MGAT4A: variants seen among roughly 807,000 people sequenced by gnomAD.
The protein encoded by MGAT4A is alpha-1,3-mannosyl-glycoprotein 4-beta-N-acetylglucosaminyltransferase A.
In MGAT4A, 33 loss-of-function variants were observed where a neutral mutation model predicts 74.1. The observed-to-expected ratio is 0.45, with a 90% CI of 0.34 to 0.60. The LOEUF is 0.60. MGAT4A is among the 20% of genes least tolerant of loss of function. The pLI, the probability that MGAT4A is intolerant of heterozygous loss-of-function variation, is 0.02. For synonymous variants in MGAT4A, 198 were observed against 210.4 expected (o/e 0.94, Z 0.51); for missense variants, 479 against 628.3 (o/e 0.76, Z 2.54).
chr2:98,689,554 T>C (rs992296983), intron 2 of MGAT4A, among the ~76,000 whole-genome samples: 2 of 152,282 alleles, frequency 1.3e-5, no homozygotes, highest in East Asian at 3.9e-4. Context: ...CTGGGCACCA[T>C]GGCTCACATC....
At chr2:98,633,136 G>C (rs1701267242) in intron 14 of MGAT4A, among the ~76,000 whole-genome samples, 1 of 152,220 alleles carries the variant, frequency 6.6e-6, no homozygotes, top group Non-Finnish European at 1.5e-5. Context: ...TCAGGGCCAA[G>C]TATTCTCACC....
At chr2:98,674,688 T>G (rs1252953724) in intron 4 of MGAT4A, among the ~76,000 whole-genome samples, 1 of 152,184 alleles carries the variant, frequency 6.6e-6, no homozygotes, top group Non-Finnish European at 1.5e-5. Flanking sequence ...AAGAAAAACC[T>G]TTATGACATG....
Position 98,704,926 on chromosome 2 carries a change from G to A in MGAT4A, c.94+21313C>T, listed in dbSNP as rs189861093. ...TACTCCTCCACAGCTGAGCAAACAT[G>A]CTTCTGGAGAGTACACCAGAGGCGC... On this transcript the variant is annotated intron_variant, in intron 2 of 15. Transcript: ENST00000393487. 5.3e-5 allele frequency among the ~76,000 whole-genome samples: 8 copies of A among 152,250 alleles called. No individual in the cohort carries two copies. In the East Asian group the frequency reaches 1.5e-3, roughly 29 times the overall value.
intron 5 of MGAT4A, among the ~76,000 whole-genome samples, chr2:98,661,497 T>C (rs977619804): frequency 2.0e-5 from 3 of 152,116 alleles, no homozygotes; most frequent in African/African-American, 7.2e-5. Context: ...GTTATAAAAA[T>C]AGAATGCAAT....
At position 98,624,757 on chromosome 2, in the gene MGAT4A, C is replaced by T. The variant is rs1701119494; in HGVS notation, c.*809G>A. On this transcript the variant is annotated 3_prime_UTR_variant, in exon 16 of 16. Coordinates refer to ENST00000393487, the MANE Select transcript of MGAT4A (RefSeq NM_012214.3). ...ACAATAATCTGGGTTGAATGCATCACACTTACACATTGAAAATTTATCAGA... is the reference window on the plus strand; with the variant it reads ...ACAATAATCTGGGTTGAATGCATCATACTTACACATTGAAAATTTATCAGA... 1.0e-6 allele frequency: 1 copy of T among 983,934 alleles called. No individual in the cohort carries two copies. The allele number at this position is 983,934 out of a possible 1,614,324, so 61.0% of individuals were successfully genotyped here. A position where few individuals can be genotyped will look rare whatever the true frequency, so the allele number is the denominator to read the frequency against.
Position 98,730,529 on chromosome 2 carries a change from G to C in MGAT4A, c.-236+519C>G, listed in dbSNP as rs367757867. Among the ~76,000 whole-genome samples the C allele has an allele frequency of 1.4e-4, 21 of 152,214 alleles. No individual in the cohort carries two copies. In the East Asian group the frequency reaches 2.1e-3, roughly 15 times the overall value. On this transcript the variant is annotated intron_variant, in intron 1 of 15. Coordinates refer to ENST00000393487, the MANE Select transcript of MGAT4A (RefSeq NM_012214.3). Reference sequence around the variant, plus strand: ...GGAGCAGCCCCTGCCCCTGCGCCTCGGACCGTCCGGCCCCGCCCACCTGCC... The same window carrying C: ...GGAGCAGCCCCTGCCCCTGCGCCTCCGACCGTCCGGCCCCGCCCACCTGCC...
At chr2:98,635,408 TATC>T (rs1701305056) in intron 13 of MGAT4A, 120 bp from the exon 14 acceptor site, 12 of 659,420 alleles carry the variant, frequency 1.8e-5, no homozygotes, top group Non-Finnish European at 2.5e-5. Context: ...AAAAGAGAAA[TATC>T]ATCTCAGTCT....
intron 2 of MGAT4A, among the ~76,000 whole-genome samples, chr2:98,718,056 T>C (rs1448427528): frequency 6.6e-6 from 1 of 152,246 alleles, no homozygotes; most frequent in Non-Finnish European, 1.5e-5. Context: ...TCGTCTGGTG[T>C]TTCTGTTATA....
chr2:98,663,547 G>A (rs1701783817), intron 4 of MGAT4A: 3 of 1,093,986 alleles, frequency 2.7e-6, no homozygotes, highest in Admixed American at 7.1e-5. Flanking sequence ...GACATGCCGA[G>A]AAGAGCACAA....
In MGAT4A at chr2:98,624,419, G is replaced by A; in HGVS notation, c.*1147C>T. 2.1e-6 allele frequency: 2 copies of A among 962,506 alleles called. No homozygotes were observed. The highest frequency in any genetic ancestry group is 2.5e-6 in the Non-Finnish European group (2 of 809,280). 59.6% of individuals were successfully genotyped at this position (962,506 alleles called of 1,614,324 possible). A position where few individuals can be genotyped will look rare whatever the true frequency, so the allele number is the denominator to read the frequency against. On this transcript the variant is annotated 3_prime_UTR_variant, in exon 16 of 16. Coordinates refer to ENST00000393487, the MANE Select transcript of MGAT4A (RefSeq NM_012214.3). Reference sequence around the variant, plus strand: ...ATCATTTGGAATAGCGTGTTTAAGAGTAATAAATACAGTCTCTTGGACACG... The same window carrying A: ...ATCATTTGGAATAGCGTGTTTAAGAATAATAAATACAGTCTCTTGGACACG...
At chr2:98,660,440 AC>A (rs1701730793) in intron 5 of MGAT4A, among the ~76,000 whole-genome samples, 1 of 150,498 alleles carries the variant, frequency 6.6e-6, no homozygotes, top group South Asian at 2.1e-4. Flanking sequence ...ACACACACAC[AC>A]ACACACACAC....
chr2:98,646,482 T>G (rs1701487523), intron 8 of MGAT4A, among the ~76,000 whole-genome samples: 1 of 152,044 alleles, frequency 6.6e-6, no homozygotes, highest in African/African-American at 2.4e-5. Context: ...AGCAGGTAGA[T>G]GGCTTGAGTT....
chr2:98,636,287 G>C (rs72825727), intron 13 of MGAT4A, among the ~76,000 whole-genome samples: 26,967 of 151,946 alleles, frequency 0.18, 2,590 homozygotes, highest in Middle Eastern at 0.24. Context: ...GCCACCGGGT[G>C]TGGCCTGTTA....
Position 98,710,722 on chromosome 2 carries a change from A to G in MGAT4A, c.94+15517T>C, listed in dbSNP as rs1702503567. On this transcript the variant is annotated intron_variant, in intron 2 of 15. Coordinates refer to ENST00000393487, the MANE Select transcript of MGAT4A (RefSeq NM_012214.3). The stretch of plus-strand genomic sequence containing the variant: ...ACCTCCGGAACTCAAGTGATCTACC[A>G]AAGTGCTGGGATTACAGGCGTGAGC... 2.0e-5 allele frequency among the ~76,000 whole-genome samples: 3 copies of G among 152,146 alleles called. 1 individual carries two copies. In the South Asian group the frequency reaches 6.2e-4, roughly 32 times the overall value.
intron 8 of MGAT4A, among the ~76,000 whole-genome samples, chr2:98,653,186 CCAGTA>C (rs1701606791): frequency 6.8e-6 from 1 of 147,158 alleles, no homozygotes; most frequent in South Asian, 2.2e-4. Context: ...GAAGTTTATA[CCAGTA>C]AACATTTACA....
rs1184359961 is a variant in MGAT4A at position 98,703,625 on chromosome 2, T to C, written c.94+22614A>G. Among the ~76,000 whole-genome samples the C allele has an allele frequency of 3.3e-5, 5 of 152,132 alleles. No homozygotes were observed. The East Asian group carries it at 9.6e-4, about 29-fold the overall frequency. Reference sequence around the variant, plus strand: ...CGGCATAAAGCTTCCCACTGAGGAATAAAATCCAAAGATGTCCCTGTGGCC... The same window carrying C: ...CGGCATAAAGCTTCCCACTGAGGAACAAAATCCAAAGATGTCCCTGTGGCC... On this transcript the variant is annotated intron_variant, in intron 2 of 15. Transcript: ENST00000393487.
At chr2:98,705,164 A>C (rs1049147706) in intron 2 of MGAT4A, among the ~76,000 whole-genome samples, 2 of 152,192 alleles carry the variant, frequency 1.3e-5, no homozygotes, top group Non-Finnish European at 2.9e-5. Context: ...GCCCCAGCAA[A>C]TGCCTGCCAC....
intron 2 of MGAT4A, among the ~76,000 whole-genome samples, chr2:98,691,420 T>A (rs900763203): frequency 6.6e-6 from 1 of 151,356 alleles, no homozygotes; most frequent in African/African-American, 2.4e-5. Context: ...AGCCTGGGCA[T>A]CAGAGCAAGC....
intron 9 of MGAT4A, 124 bp downstream of exon 9, chr2:98,645,302 GTT>G (rs754630714): frequency 1.1e-5 from 7 of 641,672 alleles, no homozygotes; most frequent in Non-Finnish European, 1.5e-5. Context: ...CCTAACTTAA[GTT>G]TTCTCTAAAA....
Sources: allele counts gnomAD v4.1 joint callset (sites outside exome capture counted in the v4.1 genomes callset), GRCh38; gene constraint gnomAD v4.1.1; transcripts MANE v1.5; gene names NCBI Gene and HGNC (gene_info 2026-07-23, HGNC 2026-07-21).